The following XKR7 variants were observed in gnomAD, a reference collection of about 807,000 sequenced individuals.
The protein encoded by XKR7 is XK-related protein 7.
A neutral mutation model predicts 42.2 loss-of-function variants in XKR7; 11 were observed. That is an observed-to-expected ratio of 0.26 (90% CI 0.16 to 0.43). The LOEUF is 0.43. Ranked by LOEUF, XKR7 falls within the 20% of genes least tolerant of loss-of-function variation. The probability of loss-of-function intolerance (pLI) is 1.00; values close to 1 mark genes in which losing one functional copy is unlikely to be tolerated. For synonymous variants in XKR7, 346 were observed against 366.4 expected, an observed-to-expected ratio of 0.94 and a Z score of 0.64; for missense variants, 710 against 802.2, an observed-to-expected ratio of 0.89 and a Z score of 1.39.
chr20:31,979,204 TTTTTTCTTTTC>T (rs1418255823), intron 1 of XKR7, among the ~76,000 whole-genome samples: 3 of 152,068 alleles, frequency 2.0e-5, no homozygotes, highest in Non-Finnish European at 4.4e-5. Flanking sequence ...TATGATTTCT[TTTTTTCTTTTC>T]TTTTTCTTTT....
At position 31,998,418 on chromosome 20, in the gene XKR7, G is replaced by A. The variant is rs2064607474; in HGVS notation, c.*961G>A. ...AGAAGCAGGCTTAGTTCTAGATTGAGTTCTAGAGTGCTAGGCTGATAAAAT... is the reference window on the plus strand; with the variant it reads ...AGAAGCAGGCTTAGTTCTAGATTGAATTCTAGAGTGCTAGGCTGATAAAAT... On this transcript the variant is annotated 3_prime_UTR_variant, in exon 3 of 3. Coordinates refer to ENST00000562532, the MANE Select transcript of XKR7 (RefSeq NM_001011718.2). 6.6e-6 allele frequency: 1 copy of A among 152,172 alleles called. No individual in the cohort carries two copies. Among genetic ancestry groups the A allele is most frequent in the Non-Finnish European group, 1.5e-5 (1 of 68,060 alleles). 9.4% of individuals were successfully genotyped at this position (152,172 alleles called of 1,614,324 possible).
chr20:31,973,932 C>A (rs931048781), intron 1 of XKR7, among the ~76,000 whole-genome samples: 2 of 152,064 alleles, frequency 1.3e-5, no homozygotes, highest in Admixed American at 1.3e-4. Context: ...CAGTGGCTCA[C>A]GCTTGTAATC....
At chr20:31,986,617 T>C (rs1013250461) in intron 1 of XKR7, among the ~76,000 whole-genome samples, 95 of 64,826 alleles carry the variant, frequency 1.5e-3, no homozygotes, top group Admixed American at 2.4e-3. Flanking sequence ...ACCAAACAGA[T>C]CCAACATCCA....
chr20:31,986,347 CACAG>C (rs1226828466), intron 1 of XKR7, among the ~76,000 whole-genome samples: 2 of 136,442 alleles, frequency 1.5e-5, no homozygotes, highest in Non-Finnish European at 3.1e-5. Context: ...ACATCCAAGA[CACAG>C]ACAGACAGAC....
chr20:31,997,212 C>A lies in XKR7; in HGVS notation c.1495C>A (p.Pro499Thr). 6.2e-7 allele frequency: 1 copy of A among 1,610,850 alleles called. No homozygotes were observed. Among genetic ancestry groups the A allele is most frequent in the Non-Finnish European group, 8.5e-7 (1 of 1,179,840 alleles). ...AGAGCGTGCAGGGACCCCCACCCCACCTGTCTTCCAGGTGCGGCCTGGCTT... is the reference window on the plus strand; with the variant it reads ...AGAGCGTGCAGGGACCCCCACCCCAACTGTCTTCCAGGTGCGGCCTGGCTT... ...AGERAGTPTP[P>T]VFQVRPGLPP... The change falls in exon 3 of 3, where the codon CCT becomes ACT. Residue 499 changes from proline (P) to threonine (T), a missense_variant. Pro to Thr is a conservative substitution (Grantham distance 38). Coordinates refer to ENST00000562532, the MANE Select transcript of XKR7 (RefSeq NM_001011718.2).
rs1027837244 is a variant in XKR7 at position 31,974,620 on chromosome 20, G to A, written c.584+5861G>A. On this transcript the variant is annotated intron_variant, in intron 1 of 2. Transcript: ENST00000562532. ...TGGAACATAGGAAGTTCTCAACAAT[G>A]ATAATTAGACATTGTTATTTGTAAA... 3.3e-5 allele frequency among the ~76,000 whole-genome samples: 5 copies of A among 152,106 alleles called. No homozygotes were observed. The South Asian group carries it at 1.0e-3, about 31-fold the overall frequency.
intron 1 of XKR7, among the ~76,000 whole-genome samples, chr20:31,986,551 CACAG>C (rs2064541524): frequency 1.0e-5 from 1 of 100,022 alleles, no homozygotes; most frequent in Admixed American, 9.2e-5. Flanking sequence ...GCATCCAAGA[CACAG>C]ACAGACAGAC....
In XKR7 at chr20:31,995,402, G is replaced by A. The variant is rs542949575; in HGVS notation, c.787+132G>A. The stretch of plus-strand genomic sequence containing the variant: ...GGCTCACTCAGTCAGGGTTTAGGGA[G>A]GCCTGCCCCTTCTACCCTCACCACC... On this transcript the variant is annotated intron_variant, in intron 2 of 2. Transcript: ENST00000562532. This position sits in a 1 kb window ranked among gnomAD's most constrained non-coding sequence, Gnocchi z 4.1. 3.2e-5 allele frequency: 46 copies of A among 1,438,900 alleles called. No homozygotes were observed. In the African/African-American group the frequency reaches 5.5e-4, roughly 17 times the overall value. The allele number at this position is 1,438,900 out of a possible 1,614,324, so 89.1% of individuals were successfully genotyped here.
chr20:31,978,638 G>A (rs2064496555), intron 1 of XKR7, among the ~76,000 whole-genome samples: 2 of 152,170 alleles, frequency 1.3e-5, no homozygotes, highest in South Asian at 4.1e-4. Context: ...TTGGCATGTG[G>A]CCGGTATGAC....
At chr20:31,989,937 G>C (rs1004934973) in intron 1 of XKR7, among the ~76,000 whole-genome samples, 1 of 152,178 alleles carries the variant, frequency 6.6e-6, no homozygotes, top group Non-Finnish European at 1.5e-5. Context: ...GAGAAGATCA[G>C]ATGTACACCA....
At chr20:31,985,335 T>C (rs2064532682) in intron 1 of XKR7, among the ~76,000 whole-genome samples, 1 of 149,162 alleles carries the variant, frequency 6.7e-6, no homozygotes, top group Admixed American at 6.7e-5. Context: ...TGAGGGGGAG[T>C]GGGGAGGGGC....
intron 1 of XKR7, among the ~76,000 whole-genome samples, chr20:31,984,819 C>T (rs1283019675): frequency 6.6e-6 from 1 of 152,164 alleles, no homozygotes; most frequent in Non-Finnish European, 1.5e-5. Flanking sequence ...GAGACTTGTC[C>T]TTCCTCATCC....
Position 31,968,640 on chromosome 20 carries a change from C to A in XKR7, c.465C>A (p.Pro155=). Reference sequence around the variant, plus strand: ...CCTTCCGGACCAAAGAAGGCAGCCCCGAGCCGGGTCCCCAGCCTGCGCCCT... The same window carrying A: ...CCTTCCGGACCAAAGAAGGCAGCCCAGAGCCGGGTCCCCAGCCTGCGCCCT... The part of the protein sequence containing the change: ...AGAFRTKEGS[P]EPGPQPAPSS... Residue 155 remains proline, a synonymous_variant, in exon 1 of 3, where the codon CCC becomes CCA. Coordinates refer to ENST00000562532, the MANE Select transcript of XKR7 (RefSeq NM_001011718.2). The surrounding 1 kb of genome is among the most constrained non-coding windows in gnomAD (Gnocchi z 4.5). The A allele has an allele frequency of 6.3e-7, 1 of 1,587,268 alleles. No individual in the cohort carries two copies. Among genetic ancestry groups the A allele is most frequent in the South Asian group, 1.1e-5 (1 of 89,660 alleles).
chr20:31,997,350 C>T lies in XKR7; in HGVS notation c.1633C>T (p.Arg545Trp), dbSNP rs1382642489. 2 of 1,605,564 alleles carry T rather than the reference C, an allele frequency of 1.2e-6. No individual in the cohort carries two copies. The highest frequency in any genetic ancestry group is 1.7e-6 in the Non-Finnish European group (2 of 1,179,974). The change falls in exon 3 of 3, where the codon CGG (arginine) becomes TGG (tryptophan). Residue 545 changes from arginine (R) to tryptophan (W), a missense_variant. Transcript: ENST00000562532. ...WDAHFIDRRL[R>W]KTILALEYSS... is the part of the protein sequence containing the mutation. ...TGCTCATTTTATTGACCGCCGGCTC[C>T]GGAAGACCATCCTGGCACTGGAGTA...
At chr20:31,992,464 T>C (rs1412721331) in intron 1 of XKR7, among the ~76,000 whole-genome samples, 2 of 151,984 alleles carry the variant, frequency 1.3e-5, no homozygotes, top group Admixed American at 1.3e-4. Flanking sequence ...GTGTGAGCAG[T>C]GAGTGTAGAT....
At chr20:31,992,506 G>A (rs1333472954) in intron 1 of XKR7, among the ~76,000 whole-genome samples, 7 of 152,214 alleles carry the variant, frequency 4.6e-5, no homozygotes, top group Admixed American at 2.0e-4. Flanking sequence ...CCTGGGCAGC[G>A]TGTGAGCAGT....
rs2122286689 is a variant in XKR7 at position 31,998,371 on chromosome 20, C to T, written c.*914C>T. 6.6e-6 allele frequency: 1 copy of T among 152,256 alleles called. No homozygotes were observed. Among genetic ancestry groups the T allele is most frequent in the Admixed American group, 6.5e-5 (1 of 15,292 alleles). The allele number at this position is 152,256 out of a possible 1,614,324, so 9.4% of individuals were successfully genotyped here. A position where few individuals can be genotyped will look rare whatever the true frequency, so the allele number is the denominator to read the frequency against. On this transcript the variant is annotated 3_prime_UTR_variant, in exon 3 of 3. Coordinates refer to ENST00000562532, the MANE Select transcript of XKR7 (RefSeq NM_001011718.2). ...CTCAAGTGCAGGTGAGGTTTTAGCA[C>T]AGTTATCAGAGGAACTGATCCAGAA...
chr20:31,996,314 C>A (rs2064591108), intron 2 of XKR7, among the ~76,000 whole-genome samples, 191 bp from the exon 3 acceptor site: 1 of 152,064 alleles, frequency 6.6e-6, no homozygotes, highest in African/African-American at 2.4e-5. Context: ...CGTGCACCCT[C>A]ACCACACCTC....
rs115982854 is a variant in XKR7 at position 31,979,916 on chromosome 20, A to G, written c.584+11157A>G. 8.2e-3 allele frequency among the ~76,000 whole-genome samples: 1,248 copies of G among 152,140 alleles called. 20 individuals carry two copies. Among genetic ancestry groups the G allele is most frequent in the African/African-American group, 0.029 (1,220 of 41,482 alleles). On this transcript the variant is annotated intron_variant, in intron 1 of 2. Coordinates refer to ENST00000562532, the MANE Select transcript of XKR7 (RefSeq NM_001011718.2). ...CAGATGGGGAAACTGAGGTCCAGAG[A>G]GGAGAGGAGAGCTGGCTGCATTCAT... is the stretch of plus-strand genomic sequence containing the variant.
Sources: allele counts gnomAD v4.1 joint callset (sites outside exome capture counted in the v4.1 genomes callset), GRCh38; gene constraint gnomAD v4.1.1; non-coding constraint Gnocchi (gnomAD v3.1); transcripts MANE v1.5; gene names NCBI Gene and HGNC (gene_info 2026-07-23, HGNC 2026-07-21).